The following ARHGEF33 variants were observed in gnomAD, a reference collection of about 807,000 sequenced individuals.
ARHGEF33 encodes the protein Rho guanine nucleotide exchange factor 33.
In ARHGEF33, 72 loss-of-function variants were observed where a neutral mutation model predicts 101.9. That is an observed-to-expected ratio of 0.71 (90% CI 0.58 to 0.86). ARHGEF33 has a LOEUF of 0.86. Ranked by LOEUF, ARHGEF33 falls within the 40% of genes least tolerant of loss-of-function variation. The pLI, the probability that ARHGEF33 is intolerant of heterozygous loss-of-function variation, is 0.00. For missense variants in ARHGEF33, 1,169 were observed against 1,111.3 expected, an observed-to-expected ratio of 1.05 and a Z score of -0.74; for synonymous variants, 499 against 442.5, an observed-to-expected ratio of 1.13 and a Z score of -1.60.
rs1231975519 is a variant in ARHGEF33 at position 38,966,024 on chromosome 2, A to G, written c.2362A>G (p.Thr788Ala). Residue 788 changes from threonine (T) to alanine (A), a missense_variant, in exon 17 of 18, where the codon ACT (threonine) becomes GCT (alanine). By Grantham distance (58) the Thr-to-Ala change is moderately conservative. Transcript: ENST00000409978. ...TTTCCAGGAGATGCATTTAGAAGAT[A>G]CTACCAGATTCTGTCCCAAAGAAGA... The part of the protein sequence containing the change: ...EVRREMHLED[T>A]TRFCPKEERE... 1.4e-5 allele frequency: 21 copies of G among 1,551,716 alleles called. No homozygotes were observed. Among genetic ancestry groups the G allele is most frequent in the Admixed American group, 3.9e-5 (2 of 51,012 alleles).
intron 15 of ARHGEF33, among the ~76,000 whole-genome samples, chr2:38,959,064 A>T (rs1667846477): frequency 6.6e-6 from 1 of 152,256 alleles, no homozygotes; most frequent in East Asian, 1.9e-4. Context: ...TAGCAGAATA[A>T]CCACTTCTGG....
intron 10 of ARHGEF33, among the ~76,000 whole-genome samples, chr2:38,950,380 TC>T (rs1667568236): frequency 2.0e-5 from 3 of 152,212 alleles, no homozygotes; most frequent in Non-Finnish European, 4.4e-5. Context: ...CCTTAGAATT[TC>T]CACTGCGTGT....
chr2:38,957,888 A>C, intron 14 of ARHGEF33, 146 bp from the exon 15 acceptor site: 4 of 970,936 alleles, frequency 4.1e-6, no homozygotes, highest in Non-Finnish European at 6.1e-6. Flanking sequence ...TAAGCAAAGC[A>C]ACTTAGTTTG....
rs745874325 is a variant in ARHGEF33 at position 38,974,446 on chromosome 2, G to A, written c.*603G>A. On this transcript the variant is annotated 3_prime_UTR_variant, in exon 18 of 18. Coordinates refer to ENST00000409978, the MANE Select transcript of ARHGEF33 (RefSeq NM_001145451.5). ...TAAACCATGATTCAGAAGGTTCAAA[G>A]CTTAAAAACACATTGATCTCCAAAC... The A allele has an allele frequency of 1.3e-5, 2 of 152,196 alleles. No individual in the cohort carries two copies. Among genetic ancestry groups the A allele is most frequent in the Non-Finnish European group, 2.9e-5 (2 of 68,028 alleles). The allele number at this position is 152,196 out of a possible 1,614,324, so 9.4% of individuals were successfully genotyped here. A position where few individuals can be genotyped will look rare whatever the true frequency, so the allele number is the denominator to read the frequency against.
intron 7 of ARHGEF33, among the ~76,000 whole-genome samples, chr2:38,933,293 C>A (rs962699365): frequency 6.6e-6 from 1 of 152,308 alleles, no homozygotes; most frequent in Admixed American, 6.5e-5. Flanking sequence ...CTCCAAGTTG[C>A]TGCCTTACAA....
At chr2:38,964,120 AC>A (rs1668004113) in intron 16 of ARHGEF33, among the ~76,000 whole-genome samples, 1 of 151,598 alleles carries the variant, frequency 6.6e-6, no homozygotes, top group Admixed American at 6.6e-5. Flanking sequence ...TGTCCAATCT[AC>A]TCTGTAATCT....
intron 10 of ARHGEF33, among the ~76,000 whole-genome samples, chr2:38,949,272 C>A (rs530684283): frequency 1.3e-5 from 2 of 152,324 alleles, no homozygotes; most frequent in East Asian, 3.9e-4. Flanking sequence ...CAAGTAAGTT[C>A]AGATCAACCA....
chr2:38,917,752 C>T (rs778936936), intron 2 of ARHGEF33, among the ~76,000 whole-genome samples: 1 of 151,596 alleles, frequency 6.6e-6, no homozygotes, highest in Non-Finnish European at 1.5e-5. Flanking sequence ...TCACTTGAGC[C>T]CAGGAGTTCA....
chr2:38,948,453 T>C (rs915228865), intron 10 of ARHGEF33, among the ~76,000 whole-genome samples: 6 of 151,694 alleles, frequency 4.0e-5, no homozygotes, highest in African/African-American at 1.5e-4. Context: ...AGGAGGAGAT[T>C]GGTACCAGCT....
chr2:38,900,047 T>G (rs1389052651), intron 2 of ARHGEF33, among the ~76,000 whole-genome samples: 1 of 151,672 alleles, frequency 6.6e-6, no homozygotes, highest in Non-Finnish European at 1.5e-5. Context: ...TTAAAATTAG[T>G]CTGGTGTGGT....
chr2:38,918,343 G>T (rs948765751), intron 2 of ARHGEF33, among the ~76,000 whole-genome samples: 1 of 152,136 alleles, frequency 6.6e-6, no homozygotes, highest in Non-Finnish European at 1.5e-5. Flanking sequence ...TGTTAATTGG[G>T]GTAGGTGCAT....
At chr2:38,934,027 A>G (rs887812007) in intron 7 of ARHGEF33, among the ~76,000 whole-genome samples, 1 of 151,768 alleles carries the variant, frequency 6.6e-6, no homozygotes, top group African/African-American at 2.4e-5. Flanking sequence ...TAGCCTCCCT[A>G]CTCCTGACAT....
At chr2:38,957,392 A>G (rs992871861) in intron 14 of ARHGEF33, among the ~76,000 whole-genome samples, 7 of 152,230 alleles carry the variant, frequency 4.6e-5, no homozygotes, top group Admixed American at 3.9e-4. Flanking sequence ...AATTCAACAG[A>G]TATTTATTGA....
At chr2:38,918,636 G>C (rs1027336141) in intron 2 of ARHGEF33, among the ~76,000 whole-genome samples, 3 of 152,192 alleles carry the variant, frequency 2.0e-5, no homozygotes, top group African/African-American at 2.4e-5. Flanking sequence ...GGGTGCAAAG[G>C]AGTCTACCAG....
intron 4 of ARHGEF33, 191 bp from the exon 5 acceptor site, chr2:38,928,716 A>G: frequency 2.2e-6 from 1 of 458,482 alleles, no homozygotes; most frequent in South Asian, 4.4e-5. Flanking sequence ...CTATATATAA[A>G]GAAGACACTC....
At chr2:38,964,590 G>C (rs894418293) in intron 16 of ARHGEF33, among the ~76,000 whole-genome samples, 3 of 150,712 alleles carry the variant, frequency 2.0e-5, no homozygotes, top group Non-Finnish European at 4.4e-5. Context: ...TTCACAATAG[G>C]GTTTGTGCAC....
At chr2:38,968,131 C>A (rs1355285050) in intron 17 of ARHGEF33, among the ~76,000 whole-genome samples, 6 of 151,926 alleles carry the variant, frequency 3.9e-5, no homozygotes, top group Non-Finnish European at 7.4e-5. Context: ...TGACATGAGG[C>A]AGAGGGAGTG....
At chr2:38,910,473 T>C (rs1057261800) in intron 2 of ARHGEF33, among the ~76,000 whole-genome samples, 1 of 152,130 alleles carries the variant, frequency 6.6e-6, no homozygotes, top group Non-Finnish European at 1.5e-5. Flanking sequence ...CTCGGGAGGC[T>C]GAGGCAGAAT....
At position 38,959,956 on chromosome 2, in the gene ARHGEF33, A is replaced by G; in HGVS notation, c.1651A>G (p.Ser551Gly). 1 of 1,551,326 alleles carries G rather than the reference A, an allele frequency of 6.4e-7. No homozygotes were observed. The highest frequency in any genetic ancestry group is 8.7e-7 in the Non-Finnish European group (1 of 1,146,880). Residue 551 changes from serine (S) to glycine (G), a missense_variant, in exon 16 of 18, where the codon AGC (serine) becomes GGC (glycine). Transcript: ENST00000409978. ...LEGRKHERPE[S>G]LLAPTQFCAA... ...GGGCAGGAAGCACGAGCGGCCCGAG[A>G]GCCTTCTGGCACCGACGCAGTTCTG...
Sources: gnomAD v4.1 joint callset for allele counts (sites outside exome capture counted in the v4.1 genomes callset) on GRCh38, gnomAD v4.1.1 for gene constraint, MANE v1.5 for transcripts, NCBI Gene and HGNC (gene_info 2026-07-23, HGNC 2026-07-21) for gene names.